The following SLC24A2 variants were observed in gnomAD, a reference collection of about 807,000 sequenced individuals.
SLC24A2 encodes the protein solute carrier family 24 member 2, also known as sodium/potassium/calcium exchanger 2.
Under a neutral mutation model 62.0 loss-of-function variants are expected in SLC24A2, and 36 were observed. That is an observed-to-expected ratio of 0.58 (90% CI 0.44 to 0.77). The LOEUF (loss-of-function observed/expected upper bound fraction) is 0.77. SLC24A2 is among the 30% of genes least tolerant of loss of function. The pLI is 0.00. For synonymous variants in SLC24A2, 358 were observed against 294.0 expected (o/e 1.22, Z -2.23); for missense variants, 846 against 817.9 (o/e 1.03, Z -0.42).
In SLC24A2 at chr9:19,632,755, C is replaced by T. The variant is rs938667937; in HGVS notation, c.931-10456G>A. Among the ~76,000 whole-genome samples the T allele has an allele frequency of 3.3e-5, 5 of 152,320 alleles. No individual in the cohort carries two copies. Among genetic ancestry groups the T allele is most frequent in the East Asian group, 3.9e-4 (2 of 5,184 alleles). The stretch of plus-strand genomic sequence containing the variant: ...AACATCTTGCACAACTATAGTACAT[C>T]ATTAAAACTAGGAAGTTGGCATTGG... On this transcript the variant is annotated intron_variant, in intron 2 of 10. Transcript: ENST00000341998. The surrounding 1 kb of genome is among the most constrained non-coding windows in gnomAD (Gnocchi z 4.5).
chr9:19,967,560 G>A, the SLC24A2 span: 2 of 152,174 alleles, frequency 1.3e-5, no homozygotes, highest in Non-Finnish European at 2.9e-5. Flanking sequence ...TGCAATTTAC[G>A]TTTAGTTCTT....
At chr9:19,536,998 T>G (rs1324094934) in intron 8 of SLC24A2, among the ~76,000 whole-genome samples, 1 of 143,396 alleles carries the variant, frequency 7.0e-6, no homozygotes, top group East Asian at 2.2e-4. Flanking sequence ...CATAAATGTC[T>G]TCTTTTGAGA....
At chr9:19,938,405 A>G in the SLC24A2 span, among the ~76,000 whole-genome samples, 1 of 152,164 alleles carries the variant, frequency 6.6e-6, no homozygotes, top group Admixed American at 6.5e-5. Flanking sequence ...TACATGGACA[A>G]TAGTTTTAAC....
the SLC24A2 span, among the ~76,000 whole-genome samples, chr9:20,066,775 T>C: frequency 6.6e-6 from 1 of 152,116 alleles, no homozygotes; most frequent in Non-Finnish European, 1.5e-5. Flanking sequence ...ACTCACTACC[T>C]CCCCTCAGCA....
At chr9:19,973,934 G>A in the SLC24A2 span, among the ~76,000 whole-genome samples, 2 of 152,242 alleles carry the variant, frequency 1.3e-5, no homozygotes, top group South Asian at 4.2e-4. Context: ...TAGAAAAAGT[G>A]TAATAAGTTA....
the SLC24A2 span, among the ~76,000 whole-genome samples, chr9:20,065,549 C>T: frequency 6.6e-6 from 1 of 152,158 alleles, no homozygotes; most frequent in Non-Finnish European, 1.5e-5. Context: ...TTTAATACTT[C>T]CAGCAACACT....
chr9:20,097,930 G>T, the SLC24A2 span, among the ~76,000 whole-genome samples: 8 of 151,532 alleles, frequency 5.3e-5, no homozygotes, highest in African/African-American at 1.7e-4. Context: ...TTTTAGTAGA[G>T]ACGGGGTTTC....
the SLC24A2 span, among the ~76,000 whole-genome samples, chr9:20,125,120 T>C: frequency 1.3e-5 from 2 of 152,182 alleles, no homozygotes; most frequent in African/African-American, 4.8e-5. Flanking sequence ...TCATAAGAGT[T>C]CCTTTAAAAA....
the SLC24A2 span, among the ~76,000 whole-genome samples, chr9:19,899,311 C>T: frequency 2.6e-5 from 4 of 152,172 alleles, no homozygotes; most frequent in African/African-American, 9.7e-5. Flanking sequence ...AAATGAGCTG[C>T]TCCTTTGCAA....
the SLC24A2 span, among the ~76,000 whole-genome samples, chr9:20,288,406 G>A: frequency 2.2e-4 from 34 of 152,082 alleles, no homozygotes; most frequent in Admixed American, 2.2e-3. Context: ...GAGGATGAGT[G>A]CATGCCGGGG....
intron 2 of SLC24A2, among the ~76,000 whole-genome samples, chr9:19,690,385 G>A (rs528670971): frequency 2.0e-5 from 3 of 152,220 alleles, no homozygotes; most frequent in South Asian, 4.1e-4. Flanking sequence ...AGGGCTTGCA[G>A]GGACTGGTAA....
the SLC24A2 span, among the ~76,000 whole-genome samples, chr9:20,252,777 G>C: frequency 6.6e-6 from 1 of 152,140 alleles, no homozygotes; most frequent in Non-Finnish European, 1.5e-5. Context: ...TCCTAAATCA[G>C]CAAGCATGTC....
chr9:19,730,336 C>T (rs972152229), intron 2 of SLC24A2, among the ~76,000 whole-genome samples: 3 of 152,016 alleles, frequency 2.0e-5, no homozygotes, highest in African/African-American at 7.3e-5. Context: ...AGATAAATTA[C>T]ATAGTTATAT....
chr9:20,287,577 T>A, the SLC24A2 span, among the ~76,000 whole-genome samples: 1 of 152,088 alleles, frequency 6.6e-6, no homozygotes, highest in South Asian at 2.1e-4. Context: ...CAACGAACAG[T>A]TTTTTAACAC....
At chr9:20,008,662 G>T in the SLC24A2 span, among the ~76,000 whole-genome samples, 1 of 152,060 alleles carries the variant, frequency 6.6e-6, no homozygotes, top group East Asian at 1.9e-4. Flanking sequence ...CATCTTTGTA[G>T]TCCAGCCTGC....
chr9:19,983,634 C>T, the SLC24A2 span, among the ~76,000 whole-genome samples: 514 of 152,154 alleles, frequency 3.4e-3, 5 homozygotes, highest in African/African-American at 0.012. Flanking sequence ...CAGATTGAGA[C>T]TCCATCTCAA....
chr9:20,305,588 A>G, the SLC24A2 span, among the ~76,000 whole-genome samples: 9,029 of 152,272 alleles, frequency 0.059, 253 homozygotes, highest in Non-Finnish European at 0.064. Context: ...AAGTAAATAA[A>G]AATAGTTATC....
the SLC24A2 span, among the ~76,000 whole-genome samples, chr9:19,884,717 T>A: frequency 1.1e-4 from 17 of 152,194 alleles, no homozygotes; most frequent in Non-Finnish European, 2.2e-4. Context: ...TATACAACCA[T>A]TGTTTTCACT....
At chr9:19,623,052 T>A (rs1319789576) in intron 2 of SLC24A2, among the ~76,000 whole-genome samples, 1 of 152,152 alleles carries the variant, frequency 6.6e-6, no homozygotes, top group Admixed American at 6.5e-5. Context: ...GGTAATCTGC[T>A]GGAAGCGAAC....
Sources: gnomAD v4.1 joint callset for allele counts (sites outside exome capture counted in the v4.1 genomes callset) on GRCh38, gnomAD v4.1.1 for gene constraint, Gnocchi (gnomAD v3.1) non-coding constraint, MANE v1.5 for transcripts, NCBI Gene and HGNC (gene_info 2026-07-23, HGNC 2026-07-21) for gene names.